Variants in ZNF71 observed in about 807,000 individuals in gnomAD.
The protein encoded by ZNF71 is zinc finger protein 71.
In ZNF71, 3 loss-of-function variants were observed where a neutral mutation model predicts 6.7. The ratio of observed to expected loss-of-function variants is 0.45; its 90% CI spans 0.20 to 1.16. The LOEUF (loss-of-function observed/expected upper bound fraction) is 1.16, where lower values mean the gene tolerates loss of function less well. Among genes scored for constraint, ZNF71 ranks in the 50% most tolerant of loss-of-function variants. The pLI is 0.25. For synonymous variants in ZNF71, 343 were observed against 311.1 expected (o/e 1.10, Z -1.08); for missense variants, 688 against 728.6 (o/e 0.94, Z 0.64).
Position 56,622,860 on chromosome 19 carries a change from C to T in ZNF71, c.*103C>T. 1.4e-6 allele frequency: 2 copies of T among 1,448,304 alleles called. No individual in the cohort carries two copies. Among genetic ancestry groups the T allele is most frequent in the Non-Finnish European group, 1.8e-6 (2 of 1,082,936 alleles). 89.7% of individuals were successfully genotyped at this position (1,448,304 alleles called of 1,614,324 possible). A position where few individuals can be genotyped will look rare whatever the true frequency, so the allele number is the denominator to read the frequency against. Reference sequence around the variant, plus strand: ...GAGAAGTTCTCCCCTGGGGTGGGGACTCGGGGTCAGGGGAGCTCAGGAATG... The same window carrying T: ...GAGAAGTTCTCCCCTGGGGTGGGGATTCGGGGTCAGGGGAGCTCAGGAATG... On this transcript the variant is annotated 3_prime_UTR_variant, in exon 4 of 4. Coordinates refer to ENST00000599599, the MANE Select transcript of ZNF71 (RefSeq NM_001370215.1).
intron 3 of ZNF71, among the ~76,000 whole-genome samples, chr19:56,619,024 G>C (rs891496837): frequency 6.6e-6 from 1 of 152,164 alleles, no homozygotes; most frequent in Non-Finnish European, 1.5e-5. Context: ...GGGAGATTTG[G>C]TCTGATTCAG....
At position 56,622,890 on chromosome 19, in the gene ZNF71, G is replaced by A; in HGVS notation, c.*133G>A. 2 of 1,196,686 alleles carry A rather than the reference G, an allele frequency of 1.7e-6. No individual in the cohort carries two copies. Among genetic ancestry groups the A allele is most frequent in the South Asian group, 3.2e-5 (2 of 62,710 alleles). The allele number at this position is 1,196,686 out of a possible 1,614,324, so 74.1% of individuals were successfully genotyped here. A position where few individuals can be genotyped will look rare whatever the true frequency, so the allele number is the denominator to read the frequency against. Reference sequence around the variant, plus strand: ...GGTCAGGGGAGCTCAGGAATGTGGGGTTGTGGAGGGGCTGGCTGATCACAC... The same window carrying A: ...GGTCAGGGGAGCTCAGGAATGTGGGATTGTGGAGGGGCTGGCTGATCACAC... On this transcript the variant is annotated 3_prime_UTR_variant, in exon 4 of 4. Transcript: ENST00000599599.
At chr19:56,601,386 T>G in intron 1 of ZNF71, 121 bp from the exon 2 acceptor site, 1 of 179,528 alleles carries the variant, frequency 5.6e-6, no homozygotes, top group Non-Finnish European at 1.1e-5. Flanking sequence ...TGTATGTGTA[T>G]GTGTGTCTAT....
chr19:56,595,563 G>A (rs2044613319), intron 1 of ZNF71, 135 bp downstream of exon 1: 1 of 159,944 alleles, frequency 6.3e-6, no homozygotes, highest in Non-Finnish European at 1.4e-5. Context: ...GGGCTAAGGA[G>A]AGGCTGACTG....
chr19:56,596,418 A>G (rs2148000653), intron 1 of ZNF71, among the ~76,000 whole-genome samples: 1 of 152,104 alleles, frequency 6.6e-6, no homozygotes, highest in East Asian at 1.9e-4. Context: ...CGCTTCTCCT[A>G]GTCTGCCTGC....
chr19:56,621,348 G>T lies in ZNF71; in HGVS notation c.241G>T (p.Ala81Ser). The change falls in exon 4 of 4, where the codon GCC (alanine) becomes TCC (serine). Residue 81 changes from alanine to serine, a missense_variant. Ala to Ser is a moderately conservative substitution (Grantham distance 99, BLOSUM62 1). Transcript: ENST00000599599. ...SEDKLSVVGE[A>S]TGGPTRNGAR... Reference sequence around the variant, plus strand: ...AGACAAGCTCTCCGTTGTTGGGGAGGCCACGGGGGGACCCACGAGGAATGG... The same window carrying T: ...AGACAAGCTCTCCGTTGTTGGGGAGTCCACGGGGGGACCCACGAGGAATGG... The T allele has an allele frequency of 6.4e-7, 1 of 1,564,578 alleles. No homozygotes were observed. Among genetic ancestry groups the T allele is most frequent in the South Asian group, 1.2e-5 (1 of 82,878 alleles).
At chr19:56,606,988 C>A (rs1295278543) in intron 2 of ZNF71, among the ~76,000 whole-genome samples, 5 of 152,070 alleles carry the variant, frequency 3.3e-5, no homozygotes, top group Non-Finnish European at 7.4e-5. Flanking sequence ...TATTGTCTAC[C>A]AAAGCTGACT....
At chr19:56,599,108 TC>T (rs1272706664) in intron 1 of ZNF71, among the ~76,000 whole-genome samples, 1 of 152,172 alleles carries the variant, frequency 6.6e-6, no homozygotes, top group African/African-American at 2.4e-5. Flanking sequence ...TTGAGGCTTT[TC>T]TGGGTGATCT....
intron 3 of ZNF71, among the ~76,000 whole-genome samples, chr19:56,616,456 T>C (rs552875733): frequency 6.6e-6 from 1 of 152,346 alleles, no homozygotes; most frequent in African/African-American, 2.4e-5. Context: ...GTGCCCAGTC[T>C]AGAATGACAT....
chr19:56,611,604 CACTT>C (rs1332159868), intron 2 of ZNF71, among the ~76,000 whole-genome samples: 3 of 152,142 alleles, frequency 2.0e-5, no homozygotes, highest in Non-Finnish European at 4.4e-5. Flanking sequence ...GAAAGACAAT[CACTT>C]AATCACTTTT....
chr19:56,622,854 T>TG lies in ZNF71; in HGVS notation c.*101dup. 6.8e-7 allele frequency: 1 copy of TG among 1,472,432 alleles called. No individual in the cohort carries two copies. Among genetic ancestry groups the TG allele is most frequent in the Non-Finnish European group, 9.1e-7 (1 of 1,100,992 alleles). 91.2% of individuals were successfully genotyped at this position (1,472,432 alleles called of 1,614,324 possible). A position where few individuals can be genotyped will look rare whatever the true frequency, so the allele number is the denominator to read the frequency against. ...TGCTGTGAGAAGTTCTCCCCTGGGG[T>TG]GGGGACTCGGGGTCAGGGGAGCTCA... On this transcript the variant is annotated 3_prime_UTR_variant, in exon 4 of 4. Transcript: ENST00000599599.
Position 56,624,415 on chromosome 19 carries a change from CAGCG to C in ZNF71, c.*1661_*1664del, listed in dbSNP as rs2044893326. 1 of 152,192 alleles carries C rather than the reference CAGCG, an allele frequency of 6.6e-6. No individual in the cohort carries two copies. The highest frequency in any genetic ancestry group is 1.5e-5 in the Non-Finnish European group (1 of 68,036). The allele number at this position is 152,192 out of a possible 1,614,324, so 9.4% of individuals were successfully genotyped here. ...CACGTGGGATTGTGGTGGTTTCCAG[CAGCG>C]AGTCTTGATCAGACATTGCTTTAGT... On this transcript the variant is annotated 3_prime_UTR_variant, in exon 4 of 4. Transcript: ENST00000599599.
At chr19:56,621,165 C>A in intron 3 of ZNF71, 103 bp from the exon 4 acceptor site, 1 of 1,198,188 alleles carries the variant, frequency 8.3e-7, no homozygotes, top group Non-Finnish European at 1.1e-6. Flanking sequence ...TGCCTTGGGC[C>A]TCATTGGGGT....
intron 3 of ZNF71, among the ~76,000 whole-genome samples, chr19:56,620,590 G>A (rs1277823515): frequency 6.6e-6 from 1 of 151,860 alleles, no homozygotes. Context: ...GGAGTGCAGT[G>A]ACGTGATCAT....
rs775152113 is a variant in ZNF71 at position 56,622,366 on chromosome 19, G to T, written c.1259G>T (p.Gly420Val). ...AAGCCGTTCGAGTGCAGCGAGTGCGGCAAGGCCTTCAGCAAGAACTCCTCG... is the reference window on the plus strand; with the variant it reads ...AAGCCGTTCGAGTGCAGCGAGTGCGTCAAGGCCTTCAGCAAGAACTCCTCG... The part of the protein sequence containing the change: ...GVKPFECSEC[G>V]KAFSKNSSLT... The change falls in exon 4 of 4, where the codon GGC becomes GTC. Residue 420 changes from glycine (G) to valine (V), a missense_variant. Coordinates refer to ENST00000599599, the MANE Select transcript of ZNF71 (RefSeq NM_001370215.1). The T allele has an allele frequency of 3.1e-6, 5 of 1,613,084 alleles. No homozygotes were observed. The highest frequency in any genetic ancestry group is 4.2e-6 in the Non-Finnish European group (5 of 1,179,548).
In ZNF71 at chr19:56,618,646, C is replaced by T. The variant is rs1039178055; in HGVS notation, c.161-2622C>T. Reference sequence around the variant, plus strand: ...TCCCGTGGGGTTGTGGGGAAACAGGCCTGAAGGATAAGGACGTCCACGGCA... The same window carrying T: ...TCCCGTGGGGTTGTGGGGAAACAGGTCTGAAGGATAAGGACGTCCACGGCA... On this transcript the variant is annotated intron_variant, in intron 3 of 3. Coordinates refer to ENST00000599599, the MANE Select transcript of ZNF71 (RefSeq NM_001370215.1). The surrounding 1 kb of genome is among the most constrained non-coding windows in gnomAD (Gnocchi z 4.6). Among the ~76,000 whole-genome samples the T allele has an allele frequency of 2.0e-5, 3 of 152,106 alleles. No homozygotes were observed. The highest frequency in any genetic ancestry group is 2.9e-5 in the Non-Finnish European group (2 of 67,994).
chr19:56,621,719 C>T lies in ZNF71; in HGVS notation c.612C>T (p.Ser204=). Residue 204 remains serine, a synonymous_variant, in exon 4 of 4, where the codon TCC becomes TCT. Coordinates refer to ENST00000599599, the MANE Select transcript of ZNF71 (RefSeq NM_001370215.1). The stretch of plus-strand genomic sequence containing the variant: ...GCAAGGCCTTTAGCCGAAGCTCGTC[C>T]CTGATAAAGCACCAAAGGATCCACA... ...ECGKAFSRSS[S]LIKHQRIHTG... 2 of 1,613,778 alleles carry T rather than the reference C, an allele frequency of 1.2e-6. No homozygotes were observed. The highest frequency in any genetic ancestry group is 1.7e-6 in the Non-Finnish European group (2 of 1,179,962).
intron 1 of ZNF71, among the ~76,000 whole-genome samples, chr19:56,596,171 G>A (rs1180893705): frequency 6.6e-6 from 1 of 152,008 alleles, no homozygotes. Context: ...GGTGCCCTCT[G>A]GGTGTCCACT....
chr19:56,616,975 A>T (rs1031286881), intron 3 of ZNF71, among the ~76,000 whole-genome samples: 2 of 152,186 alleles, frequency 1.3e-5, no homozygotes, highest in Non-Finnish European at 2.9e-5. Flanking sequence ...CTTATCCTTT[A>T]TACTCTGTCT....
Sources: gnomAD v4.1 joint callset for allele counts (sites outside exome capture counted in the v4.1 genomes callset) on GRCh38, gnomAD v4.1.1 for gene constraint, Gnocchi (gnomAD v3.1) non-coding constraint, MANE v1.5 for transcripts, NCBI Gene and HGNC (gene_info 2026-07-23, HGNC 2026-07-21) for gene names.